RGS9: variants seen among roughly 807,000 people sequenced by gnomAD.
RGS9 encodes regulator of G-protein signalling 9.
RGS9 carries 78 observed loss-of-function variants against 102.0 expected under a neutral mutation model. The ratio of observed to expected loss-of-function variants is 0.76; its 90% CI spans 0.64 to 0.92. The LOEUF (loss-of-function observed/expected upper bound fraction) is 0.92. RGS9 is among the 40% of genes least tolerant of loss of function. RGS9 has a pLI of 0.00. For missense variants in RGS9, 833 were observed against 866.1 expected, an observed-to-expected ratio of 0.96 and a Z score of 0.48; for synonymous variants, 353 against 318.6, an observed-to-expected ratio of 1.11 and a Z score of -1.15.
intron 8 of RGS9, among the ~76,000 whole-genome samples, chr17:65,177,151 C>T (rs564473950): frequency 3.3e-5 from 5 of 149,308 alleles, no homozygotes; most frequent in South Asian, 2.1e-4. Flanking sequence ...TTTATCTGTC[C>T]GTCCATCCAT....
chr17:65,142,779 C>T (rs1352476430), intron 1 of RGS9, among the ~76,000 whole-genome samples: 2 of 152,002 alleles, frequency 1.3e-5, no homozygotes, highest in African/African-American at 2.4e-5. Context: ...GACGGGGTTT[C>T]ACCATGTTGG....
chr17:65,189,054 G>A (rs1177786002), intron 9 of RGS9: 1 of 587,082 alleles, frequency 1.7e-6, no homozygotes, highest in Non-Finnish European at 3.0e-6. Flanking sequence ...GGTGAGCAAA[G>A]TTACAGTGGT....
At position 65,190,161 on chromosome 17, in the gene RGS9, T is replaced by C; in HGVS notation, c.685-14T>C. 1 of 1,608,650 alleles carries C rather than the reference T, an allele frequency of 6.2e-7. No individual in the cohort carries two copies. ...AGGGGGTTGAATACCTTCTAACAAC[T>C]GTGTCTCTTCCAGATCATGTATTAC... On this transcript the variant is annotated splice_polypyrimidine_tract_variant and intron_variant, in intron 10 of 18. Coordinates refer to ENST00000262406, the MANE Select transcript of RGS9 (RefSeq NM_003835.4).
At chr17:65,184,130 A>G (rs1912012321) in intron 9 of RGS9, among the ~76,000 whole-genome samples, 1 of 152,184 alleles carries the variant, frequency 6.6e-6, no homozygotes, top group Admixed American at 6.5e-5. Flanking sequence ...GGCTGGAAAA[A>G]AACTCTTATT....
chr17:65,174,592 T>TGA (rs199591295), intron 8 of RGS9, among the ~76,000 whole-genome samples: 2,783 of 150,988 alleles, frequency 0.018, 104 homozygotes, highest in African/African-American at 0.063. Context: ...TATGTATATG[T>TGA]GAGTGTGCCT....
chr17:65,213,722 G>T (rs187552510), intron 17 of RGS9, among the ~76,000 whole-genome samples: 4 of 152,214 alleles, frequency 2.6e-5, no homozygotes, highest in Admixed American at 2.6e-4. Flanking sequence ...GCTACTATGT[G>T]CTCTGTGTCA....
intron 6 of RGS9, among the ~76,000 whole-genome samples, chr17:65,161,704 T>TTATA (rs1555612054): frequency 1.7e-4 from 23 of 133,762 alleles, no homozygotes; most frequent in Middle Eastern, 3.6e-3. Context: ...TTATTTTTAT[T>TTATA]TATATATTTA....
intron 13 of RGS9, among the ~76,000 whole-genome samples, chr17:65,200,805 TG>T (rs957534611): frequency 8.5e-5 from 13 of 152,122 alleles, no homozygotes; most frequent in African/African-American, 2.7e-4. Context: ...TGCAACAATC[TG>T]AAAAAACTTG....
At position 65,227,466 on chromosome 17, in the gene RGS9, T is replaced by C. The variant is rs1163229441; in HGVS notation, c.*59T>C. 5 of 1,571,836 alleles carry C rather than the reference T, an allele frequency of 3.2e-6. No homozygotes were observed. The highest frequency in any genetic ancestry group is 1.9e-5 in the Admixed American group (1 of 53,152). On this transcript the variant is annotated 3_prime_UTR_variant, in exon 19 of 19. Transcript: ENST00000262406. The stretch of plus-strand genomic sequence containing the variant: ...CAGGAAGATGCTCTGACAGATGCCA[T>C]GGTATGGGCCACAGGACACACTTGC...
At chr17:65,208,275 C>T (rs956384625) in intron 16 of RGS9, among the ~76,000 whole-genome samples, 3 of 152,138 alleles carry the variant, frequency 2.0e-5, no homozygotes, top group African/African-American at 4.8e-5. Context: ...CAATAATTAC[C>T]CTTATCACAA....
chr17:65,207,600 A>G (rs1913115865), intron 15 of RGS9, among the ~76,000 whole-genome samples: 1 of 152,194 alleles, frequency 6.6e-6, no homozygotes, highest in South Asian at 2.1e-4. Flanking sequence ...AGGCTGAATC[A>G]CAGACAATGT....
intron 1 of RGS9, among the ~76,000 whole-genome samples, chr17:65,141,950 C>G (rs1169124021): frequency 1.3e-5 from 2 of 152,180 alleles, no homozygotes; most frequent in Non-Finnish European, 2.9e-5. Flanking sequence ...ATGGAGAAGA[C>G]TGGTAGGTAA....
chr17:65,214,281 AC>A (rs1271072423), intron 17 of RGS9, among the ~76,000 whole-genome samples: 3 of 152,152 alleles, frequency 2.0e-5, no homozygotes, highest in Admixed American at 1.3e-4. Flanking sequence ...TATTTTAAAG[AC>A]CTTTTTTGTG....
intron 17 of RGS9, among the ~76,000 whole-genome samples, chr17:65,212,642 G>C (rs1041815398): frequency 1.3e-5 from 2 of 152,206 alleles, no homozygotes; most frequent in Non-Finnish European, 2.9e-5. Flanking sequence ...TGACCTTCAA[G>C]GCTGTTCTAA....
rs1911481217 is a variant in RGS9, at chr17:65,173,060, T to G, written c.583-4672T>G. ...GCCTCAGCCTGCCGAGTAGCTGGAA[T>G]TACAGGTGTGCGCCACCTCGCCTGG... On this transcript the variant is annotated intron_variant, in intron 8 of 18. Coordinates refer to ENST00000262406, the MANE Select transcript of RGS9 (RefSeq NM_003835.4). The surrounding 1 kb of genome is among the most constrained non-coding windows in gnomAD (Gnocchi z 4.8). Among the ~76,000 whole-genome samples the G allele has an allele frequency of 6.6e-6, 1 of 151,914 alleles. No homozygotes were observed. The highest frequency in any genetic ancestry group is 2.1e-4 in the South Asian group (1 of 4,816).
At chr17:65,141,326 T>G (rs1459217714) in intron 1 of RGS9, among the ~76,000 whole-genome samples, 5 of 152,142 alleles carry the variant, frequency 3.3e-5, no homozygotes, top group Non-Finnish European at 5.9e-5. Flanking sequence ...CCTCTGCAAT[T>G]ACCAGATCAC....
rs1456815761 is a variant in RGS9, at chr17:65,204,243, AC to A, written c.1150del (p.His384ThrfsTer16). On this transcript the variant is annotated frameshift_variant, in exon 15 of 19. Coordinates refer to ENST00000262406, the MANE Select transcript of RGS9 (RefSeq NM_003835.4). LOFTEE classifies it high-confidence loss of function. ...TMDITVKGLK[H>X]PHRYVLDAAQ... ...GACATCACAGTGAAGGGGCTGAAGC[AC>A]CCCCACCGCTATGTGCTGGACGCCG... The A allele has an allele frequency of 6.2e-7, 1 of 1,613,332 alleles. No homozygotes were observed. The highest frequency in any genetic ancestry group is 1.7e-5 in the Admixed American group (1 of 60,010).
chr17:65,215,528 CT>C (rs1225820316), intron 17 of RGS9, among the ~76,000 whole-genome samples: 4 of 136,530 alleles, frequency 2.9e-5, no homozygotes, highest in African/African-American at 9.4e-5. Context: ...TTCTTTCTTT[CT>C]TTCTTTCTTT....
At chr17:65,199,540 C>T (rs1271906503) in intron 13 of RGS9, among the ~76,000 whole-genome samples, 2 of 134,112 alleles carry the variant, frequency 1.5e-5, no homozygotes, top group Non-Finnish European at 3.0e-5. Context: ...GTCGCCCAGG[C>T]TGGAGCGCAG....
Sources: gnomAD v4.1 joint callset for allele counts (sites outside exome capture counted in the v4.1 genomes callset) on GRCh38, gnomAD v4.1.1 for gene constraint, Gnocchi (gnomAD v3.1) non-coding constraint, MANE v1.5 for transcripts, NCBI Gene and HGNC (gene_info 2026-07-23, HGNC 2026-07-21) for gene names.